Variants in SEMA3E observed in about 807,000 individuals in gnomAD.
The protein encoded by SEMA3E is semaphorin 3E.
A neutral mutation model predicts 93.6 loss-of-function variants in SEMA3E; 49 were observed. The observed-to-expected ratio is 0.52, with a 90% CI of 0.42 to 0.66. The LOEUF is 0.66. Among genes scored for constraint, SEMA3E ranks in the 30% least tolerant of loss-of-function variants. The pLI is 0.00. For synonymous variants in SEMA3E, 363 were observed against 330.7 expected (o/e 1.10, Z -1.06); for missense variants, 906 against 964.8 (o/e 0.94, Z 0.81).
intron 1 of SEMA3E, among the ~76,000 whole-genome samples, chr7:83,637,939 T>A (rs1793913537): frequency 6.6e-6 from 1 of 152,152 alleles, no homozygotes; most frequent in African/African-American, 2.4e-5. Flanking sequence ...TTGAAAAGAT[T>A]ATGATAGTTA....
At position 83,531,341 on chromosome 7, in the gene SEMA3E, C is replaced by CTT. The variant is rs144165250; in HGVS notation, c.116-41069_116-41068dup. Among the ~76,000 whole-genome samples, 189 of 68,144 alleles carry CTT rather than the reference C, an allele frequency of 2.8e-3. 15 individuals carry two copies. The highest frequency in any genetic ancestry group is 9.3e-3 in the African/African-American group (160 of 17,134). The allele number at this position is 68,144 out of a possible 152,430, so 44.7% of individuals were successfully genotyped here. On this transcript the variant is annotated intron_variant, in intron 1 of 16. Transcript: ENST00000643230. ...ATGTGTGCTTCTTGATTGGAATATT[C>CTT]TTTTTTTTTTTTTTTTTTTTTCCGA...
At chr7:83,627,481 G>A (rs1044030062) in intron 1 of SEMA3E, among the ~76,000 whole-genome samples, 8 of 151,812 alleles carry the variant, frequency 5.3e-5, no homozygotes, top group Non-Finnish European at 8.8e-5. Context: ...GAATCTGGGT[G>A]TTCCTCTATT....
intron 2 of SEMA3E, among the ~76,000 whole-genome samples, chr7:83,473,621 C>G (rs946051095): frequency 6.6e-6 from 1 of 151,978 alleles, no homozygotes; most frequent in African/African-American, 2.4e-5. Flanking sequence ...TCTGATTTCC[C>G]TAAAAATATG....
rs1277624234 is a variant in SEMA3E, at chr7:83,365,542, A to G, written c.*2044T>C. 6.6e-6 allele frequency: 1 copy of G among 152,282 alleles called. No individual in the cohort carries two copies. Among genetic ancestry groups the G allele is most frequent in the African/African-American group, 2.4e-5 (1 of 41,572 alleles). The allele number at this position is 152,282 out of a possible 1,614,324, so 9.4% of individuals were successfully genotyped here. A position where few individuals can be genotyped will look rare whatever the true frequency, so the allele number is the denominator to read the frequency against. Reference sequence around the variant, plus strand: ...ATTTTAATCAAACGCTCTTCAGTATATGGACTTCTTATGACTTGTGTCATA... The same window carrying G: ...ATTTTAATCAAACGCTCTTCAGTATGTGGACTTCTTATGACTTGTGTCATA... On this transcript the variant is annotated 3_prime_UTR_variant, in exon 17 of 17. Transcript: ENST00000643230.
At chr7:83,617,968 A>G (rs1315379770) in intron 1 of SEMA3E, among the ~76,000 whole-genome samples, 1 of 152,102 alleles carries the variant, frequency 6.6e-6, no homozygotes, top group Admixed American at 6.6e-5. Context: ...TAAATAGAAA[A>G]GAACACTATA....
intron 4 of SEMA3E, among the ~76,000 whole-genome samples, chr7:83,436,431 G>C (rs1256347098): frequency 6.6e-6 from 1 of 151,472 alleles, no homozygotes; most frequent in East Asian, 1.9e-4. Flanking sequence ...TTTCTGGTTT[G>C]ATTTTATAGC....
intron 2 of SEMA3E, among the ~76,000 whole-genome samples, chr7:83,472,066 C>T (rs1244248976): frequency 6.6e-6 from 1 of 152,170 alleles, no homozygotes; most frequent in East Asian, 1.9e-4. Context: ...GATGGATACC[C>T]AGATTGCTTC....
In SEMA3E at chr7:83,456,629, T is replaced by A. The variant is rs562251164; in HGVS notation, c.456+9853A>T. Among the ~76,000 whole-genome samples the A allele has an allele frequency of 3.1e-4, 47 of 151,580 alleles. 1 individual carries two copies. Among genetic ancestry groups the A allele is most frequent in the East Asian group, 1.7e-3 (9 of 5,182 alleles). On this transcript the variant is annotated intron_variant, in intron 4 of 16. Transcript: ENST00000643230. ...TTATTTATTTATTTATTTATTATTT[T>A]TGAGTTGGAGTCTCATTCTTGTTGC...
chr7:83,548,754 C>T (rs1423019762), intron 1 of SEMA3E, among the ~76,000 whole-genome samples: 1 of 152,146 alleles, frequency 6.6e-6, no homozygotes, highest in Non-Finnish European at 1.5e-5. Flanking sequence ...TTCCTAAATA[C>T]ACCACGCAGC....
At chr7:83,440,195 C>T (rs1789084207) in intron 4 of SEMA3E, among the ~76,000 whole-genome samples, 1 of 152,122 alleles carries the variant, frequency 6.6e-6, no homozygotes, top group African/African-American at 2.4e-5. Context: ...CTGGGCTCAA[C>T]ATTGGGAAGT....
At chr7:83,609,668 C>T (rs1472855695) in intron 1 of SEMA3E, among the ~76,000 whole-genome samples, 7 of 151,904 alleles carry the variant, frequency 4.6e-5, no homozygotes, top group Non-Finnish European at 1.0e-4. Flanking sequence ...AATAAAACAA[C>T]AGATTTTTAC....
chr7:83,562,057 A>G (rs1468154389), intron 1 of SEMA3E, among the ~76,000 whole-genome samples: 1 of 152,208 alleles, frequency 6.6e-6, no homozygotes, highest in Non-Finnish European at 1.5e-5. Context: ...AAGATAACCC[A>G]GCATATTCAT....
At chr7:83,387,107 A>G (rs1381533502) in intron 14 of SEMA3E, 57 bp from the exon 15 acceptor site, 1 of 1,428,348 alleles carries the variant, frequency 7.0e-7, no homozygotes, top group East Asian at 2.3e-5. Context: ...AGACTTTAAA[A>G]TGCAGCCAAT....
intron 14 of SEMA3E, among the ~76,000 whole-genome samples, chr7:83,390,274 T>C (rs910799244): frequency 4.2e-5 from 6 of 143,242 alleles, no homozygotes; most frequent in African/African-American, 1.4e-4. Flanking sequence ...CGTATATATG[T>C]GTATATTACA....
chr7:83,410,900 T>C (rs1015555190), intron 5 of SEMA3E, among the ~76,000 whole-genome samples: 1 of 152,132 alleles, frequency 6.6e-6, no homozygotes, highest in Non-Finnish European at 1.5e-5. Flanking sequence ...ATATAATTTA[T>C]TTCGCTACTG....
intron 1 of SEMA3E, among the ~76,000 whole-genome samples, chr7:83,629,226 C>T (rs1403080619): frequency 2.6e-5 from 4 of 152,264 alleles, no homozygotes; most frequent in Middle Eastern, 3.4e-3. Flanking sequence ...GGAGCTCTCC[C>T]GTATGAGGTG....
intron 1 of SEMA3E, among the ~76,000 whole-genome samples, chr7:83,533,462 T>G (rs1791345948): frequency 6.6e-6 from 1 of 152,086 alleles, no homozygotes; most frequent in South Asian, 2.1e-4. Flanking sequence ...GAGAATGGCT[T>G]GAACCCGGGA....
At chr7:83,508,680 A>G (rs1433163883) in intron 1 of SEMA3E, among the ~76,000 whole-genome samples, 5 of 152,226 alleles carry the variant, frequency 3.3e-5, no homozygotes, top group Non-Finnish European at 7.3e-5. Context: ...ATAGCATAGT[A>G]CATCTGACAT....
chr7:83,535,621 A>G (rs1424074217), intron 1 of SEMA3E, among the ~76,000 whole-genome samples: 2 of 152,168 alleles, frequency 1.3e-5, no homozygotes, highest in Non-Finnish European at 2.9e-5. Flanking sequence ...TGATATTACA[A>G]TCCAAAGCTG....
Sources: gnomAD v4.1 joint callset for allele counts (sites outside exome capture counted in the v4.1 genomes callset) on GRCh38, gnomAD v4.1.1 for gene constraint, MANE v1.5 for transcripts, NCBI Gene and HGNC (gene_info 2026-07-23, HGNC 2026-07-21) for gene names.